Variants in OR6K2 observed in about 807,000 individuals in gnomAD.
OR6K2 encodes the protein olfactory receptor 6K2.
For synonymous variants in OR6K2, 139 were observed against 143.8 expected, an observed-to-expected ratio of 0.97 and a Z score of 0.24; for missense variants, 450 against 402.5, an observed-to-expected ratio of 1.12 and a Z score of -1.01.
In OR6K2 at chr1:158,699,744, T is replaced by C. The variant is rs1245587362; in HGVS notation, c.909A>G (p.Lys303=). 6.2e-7 allele frequency: 1 copy of C among 1,613,722 alleles called. No homozygotes were observed. The highest frequency in any genetic ancestry group is 1.3e-5 in the African/African-American group (1 of 74,848). The change falls in exon 1 of 1, where the codon AAA becomes AAG. Residue 303 remains lysine, a synonymous_variant. Transcript: ENST00000359610. Reference sequence around the variant, plus strand: ...ATATCTTAGCTTGACCTATGTGCTTTTTTATAGCTTCTTTTATTTCTTTAT... The same window carrying C: ...ATATCTTAGCTTGACCTATGTGCTTCTTTATAGCTTCTTTTATTTCTTTAT... ...LRNKEIKEAI[K]KHIGQAKIFF... is the part of the protein sequence containing the mutation.
At position 158,700,476 on chromosome 1, in the gene OR6K2, C is replaced by T; in HGVS notation, c.177G>A (p.Met59Ile). ...VQLNTHLHTP[M>I]YTFISALSFL... ...AAGAAAGAGCACTGATAAAAGTATA[C>T]ATGGGAGTGTGGAGGTGAGTATTCA... The change falls in exon 1 of 1, where the codon ATG becomes ATA. Residue 59 changes from methionine (M) to isoleucine (I), a missense_variant. Transcript: ENST00000359610. 6.2e-7 allele frequency: 1 copy of T among 1,614,052 alleles called. No homozygotes were observed. Among genetic ancestry groups the T allele is most frequent in the South Asian group, 1.1e-5 (1 of 91,076 alleles).
Position 158,699,950 on chromosome 1 carries a change from G to A in OR6K2, c.703C>T (p.Arg235Cys), listed in dbSNP as rs141497361. Residue 235 changes from arginine (R) to cysteine (C), a missense_variant, in exon 1 of 1, where the codon CGC (arginine) becomes TGC (cysteine). Coordinates refer to ENST00000359610, the MANE Select transcript of OR6K2 (RefSeq NM_001005279.3). ...ACACACGTGGAAAATGCTGTGCGGC[G>A]GCCTCCAGCTGAATGAATACGTAGA... ...VILRIHSAGG[R>C]RTAFSTCVSH... The A allele has an allele frequency of 8.9e-5, 144 of 1,613,926 alleles. No homozygotes were observed. Among genetic ancestry groups the A allele is most frequent in the Middle Eastern group, 1.6e-4 (1 of 6,084 alleles).
rs768645802 is a variant in OR6K2, at chr1:158,699,997, T to C, written c.656A>G (p.Tyr219Cys). Residue 219 changes from tyrosine (Y) to cysteine (C), a missense_variant, in exon 1 of 1, where the codon TAC becomes TGC. Transcript: ENST00000359610. ...ITAVMLIFMS[Y>C]DGIVAVILRI... ...TAGAATTACAGCCACAATACCATCG[T>C]AGGACATGAAGATGAGCATCACAGC... 31 of 1,613,932 alleles carry C rather than the reference T, an allele frequency of 1.9e-5. No homozygotes were observed. Among genetic ancestry groups the C allele is most frequent in the African/African-American group, 8.0e-5 (6 of 74,902 alleles).
chr1:158,700,290 G>A lies in OR6K2; in HGVS notation c.363C>T (p.His121=), dbSNP rs1245113870. The change falls in exon 1 of 1, where the codon CAC becomes CAT. Residue 121 remains histidine (H), a synonymous_variant. Transcript: ENST00000359610. ...GAAGAGGGCTGCATATGGCCAGGTA[G>A]TGGTCAAAGGCCATAACTGTCAAGA... ...VCLLTVMAFD[H]YLAICSPLHY... is the part of the protein sequence containing the mutation. 6.2e-7 allele frequency: 1 copy of A among 1,614,036 alleles called. No homozygotes were observed. Among genetic ancestry groups the A allele is most frequent in the African/African-American group, 1.3e-5 (1 of 74,924 alleles).
rs1571559448 is a variant in OR6K2, at chr1:158,700,273, C to A, written c.380G>T (p.Ser127Ile). 1 of 1,614,014 alleles carries A rather than the reference C, an allele frequency of 6.2e-7. No homozygotes were observed. The highest frequency in any genetic ancestry group is 8.5e-7 in the Non-Finnish European group (1 of 1,180,000). ...MAFDHYLAIC[S>I]PLHYPSIMTP... ...CATGATAGAGGGATAATGAAGAGGG[C>A]TGCATATGGCCAGGTAGTGGTCAAA... is the stretch of plus-strand genomic sequence containing the variant. The change falls in exon 1 of 1, where the codon AGC becomes ATC. Residue 127 changes from serine to isoleucine, a missense_variant. By Grantham distance (142) the Ser-to-Ile change is moderately radical (BLOSUM62 -2). Transcript: ENST00000359610.
rs147682709 is a variant in OR6K2 at position 158,700,495 on chromosome 1, G to C, written c.158C>G (p.Thr53Ser). 7.3e-4 allele frequency: 1,176 copies of C among 1,614,070 alleles called. 2 individuals carry two copies. Among genetic ancestry groups the C allele is most frequent in the Non-Finnish European group, 8.9e-4 (1,050 of 1,179,946 alleles). ...LVIITVVQLN[T>S]HLHTPMYTFI... ...AGTATACATGGGAGTGTGGAGGTGA[G>C]TATTCAACTGGACCACTGTGATGAT... Residue 53 changes from threonine (T) to serine (S), a missense_variant, in exon 1 of 1, where the codon ACT becomes AGT. Physicochemically the swap from Thr to Ser is moderately conservative, Grantham distance 58 (BLOSUM62 1). Transcript: ENST00000359610.
chr1:158,699,748 A>G lies in OR6K2; in HGVS notation c.905T>C (p.Ile302Thr), dbSNP rs568139425. 47 of 1,613,758 alleles carry G rather than the reference A, an allele frequency of 2.9e-5. No homozygotes were observed. In the East Asian group the frequency reaches 1.0e-3, roughly 34 times the overall value. ...CTTAGCTTGACCTATGTGCTTTTTT[A>G]TAGCTTCTTTTATTTCTTTATTCCT... ...SLRNKEIKEA[I>T]KKHIGQAKIF... The change falls in exon 1 of 1, where the codon ATA (isoleucine) becomes ACA (threonine). Residue 302 changes from isoleucine (I) to threonine (T), a missense_variant. Physicochemically the swap from Ile to Thr is moderately conservative, Grantham distance 89 (BLOSUM62 -1). Coordinates refer to ENST00000359610, the MANE Select transcript of OR6K2 (RefSeq NM_001005279.3).
rs1411510098 is a variant in OR6K2, at chr1:158,699,740, G to A, written c.913C>T (p.His305Tyr). The A allele has an allele frequency of 1.2e-6, 2 of 1,613,386 alleles. No individual in the cohort carries two copies. Among genetic ancestry groups the A allele is most frequent in the Admixed American group, 1.7e-5 (1 of 59,916 alleles). The change falls in exon 1 of 1, where the codon CAC becomes TAC. Residue 305 changes from histidine to tyrosine, a missense_variant. By Grantham distance (83) the His-to-Tyr change is moderately conservative. Transcript: ENST00000359610. ...NKEIKEAIKK[H>Y]IGQAKIFFSV... ...AAAAATATCTTAGCTTGACCTATGT[G>A]CTTTTTTATAGCTTCTTTTATTTCT...
rs1342361790 is a variant in OR6K2 at position 158,699,680 on chromosome 1, A to T, written c.973T>A (p.Ter325LysextTer?). The change falls in exon 1 of 1, where the codon TAG becomes AAG. Residue 325 changes from the stop codon to lysine, a stop_lost. Transcript: ENST00000359610. ...VRPGTSSKIF[*>K] ...CCAGCAACTATACAGAATCTCAACT[A>T]AAATATCTTACTTGAGGTCCCTGGT... 1.2e-6 allele frequency: 2 copies of T among 1,601,838 alleles called. No homozygotes were observed. The highest frequency in any genetic ancestry group is 1.7e-6 in the Non-Finnish European group (2 of 1,176,328).
In OR6K2 at chr1:158,700,075, G is replaced by A; in HGVS notation, c.578C>T (p.Ala193Val). The change falls in exon 1 of 1, where the codon GCC becomes GTC. Residue 193 changes from alanine to valine, a missense_variant. Coordinates refer to ENST00000359610, the MANE Select transcript of OR6K2 (RefSeq NM_001005279.3). ...ATCCACTACCTGAATCATGACGATG[G>A]CTCGTGTGTCTGTGCAGGCCAGACG... ...VLRLACTDTR[A>V]IVMIQVVDVI... 1.2e-6 allele frequency: 2 copies of A among 1,614,056 alleles called. No homozygotes were observed. The highest frequency in any genetic ancestry group is 1.1e-5 in the South Asian group (1 of 91,084).
In OR6K2 at chr1:158,700,438, C is replaced by T. The variant is rs1379680618; in HGVS notation, c.215G>A (p.Trp72Ter). Residue 72 changes from tryptophan to a stop codon, truncating the protein, a stop_gained, in exon 1 of 1, where the codon TGG becomes TAG. Transcript: ENST00000359610. LOFTEE classifies it high-confidence loss of function. ...CTTTGGGATTGTGGCTGTGGTATACCAAATCTCCAGGAAAGAAAGAGCACT... is the reference window on the plus strand; with the variant it reads ...CTTTGGGATTGTGGCTGTGGTATACTAAATCTCCAGGAAAGAAAGAGCACT... ...FISALSFLEI[W>*]YTTATIPKML... is the part of the protein sequence containing the mutation. 6.2e-7 allele frequency: 1 copy of T among 1,613,990 alleles called. No individual in the cohort carries two copies. Among genetic ancestry groups the T allele is most frequent in the African/African-American group, 1.3e-5 (1 of 74,956 alleles).
Position 158,700,539 on chromosome 1 carries a change from A to C in OR6K2, c.114T>G (p.Ile38Met). The change falls in exon 1 of 1, where the codon ATT becomes ATG. Residue 38 changes from isoleucine to methionine, a missense_variant. By Grantham distance (10) the Ile-to-Met change is conservative (BLOSUM62 1). Transcript: ENST00000359610. ...TGATGATGACCAGGTTTCCAACAACAATGAAAGCATAGATGAAGAGCAGTG... is the reference window on the plus strand; with the variant it reads ...TGATGATGACCAGGTTTCCAACAACCATGAAAGCATAGATGAAGAGCAGTG... Reference protein sequence around the residue: ...FVPLLFIYAFIVVGNLVIITV... With the variant: ...FVPLLFIYAFMVVGNLVIITV... 6.2e-7 allele frequency: 1 copy of C among 1,614,172 alleles called. No homozygotes were observed. Among genetic ancestry groups the C allele is most frequent in the Non-Finnish European group, 8.5e-7 (1 of 1,180,036 alleles).
rs1488137788 is a variant in OR6K2, at chr1:158,699,691, C to A, written c.962G>T (p.Ser321Ile). 3 of 1,607,064 alleles carry A rather than the reference C, an allele frequency of 1.9e-6. No individual in the cohort carries two copies. The highest frequency in any genetic ancestry group is 1.3e-5 in the African/African-American group (1 of 74,396). Reference sequence around the variant, plus strand: ...ACAGAATCTCAACTAAAATATCTTACTTGAGGTCCCTGGTCTTACGGAAAA... The same window carrying A: ...ACAGAATCTCAACTAAAATATCTTAATTGAGGTCCCTGGTCTTACGGAAAA... ...IFFSVRPGTS[S>I]KIF Residue 321 changes from serine (S) to isoleucine (I), a missense_variant, in exon 1 of 1, where the codon AGT (serine) becomes ATT (isoleucine). By Grantham distance (142) the Ser-to-Ile change is moderately radical. Coordinates refer to ENST00000359610, the MANE Select transcript of OR6K2 (RefSeq NM_001005279.3).
In OR6K2 at chr1:158,700,445, C is replaced by A. The variant is rs781319145; in HGVS notation, c.208G>T (p.Glu70Ter). The change falls in exon 1 of 1, where the codon GAG (glutamate) becomes TAG (stop). Residue 70 changes from glutamate (E) to a stop codon, truncating the protein, a stop_gained. Transcript: ENST00000359610. LOFTEE classifies it high-confidence loss of function. ...YTFISALSFL[E>*]IWYTTATIPK... is the part of the protein sequence containing the mutation. ...ATTGTGGCTGTGGTATACCAAATCT[C>A]CAGGAAAGAAAGAGCACTGATAAAA... 19 of 1,613,882 alleles carry A rather than the reference C, an allele frequency of 1.2e-5. No individual in the cohort carries two copies. In the African/African-American group the frequency reaches 2.0e-4, roughly 17 times the overall value.
rs781501189 is a variant in OR6K2, at chr1:158,699,868, C to G, written c.785G>C (p.Arg262Pro). 7 of 1,613,966 alleles carry G rather than the reference C, an allele frequency of 4.3e-6. No homozygotes were observed. Among genetic ancestry groups the G allele is most frequent in the Non-Finnish European group, 5.1e-6 (6 of 1,180,002 alleles). The change falls in exon 1 of 1, where the codon CGC becomes CCC. Residue 262 changes from arginine (R) to proline (P), a missense_variant. Transcript: ENST00000359610. ...GAACAAAGAGTAGGTGGCAGAGAAG[C>G]GTAGGTACATGAGAGTCACACTGCC... is the stretch of plus-strand genomic sequence containing the variant. ...FFGSVTLMYL[R>P]FSATYSLFWD... is the part of the protein sequence containing the mutation.
rs369080335 is a variant in OR6K2, at chr1:158,699,724, T to G, written c.929A>C (p.Lys310Thr). Residue 310 changes from lysine (K) to threonine (T), a missense_variant, in exon 1 of 1, where the codon AAG (lysine) becomes ACG (threonine). Lys to Thr is a moderately conservative substitution (Grantham distance 78). Coordinates refer to ENST00000359610, the MANE Select transcript of OR6K2 (RefSeq NM_001005279.3). ...EAIKKHIGQA[K>T]IFFSVRPGTS... ...CCCTGGTCTTACGGAAAAAAATATC[T>G]TAGCTTGACCTATGTGCTTTTTTAT... 14 of 1,612,602 alleles carry G rather than the reference T, an allele frequency of 8.7e-6. No homozygotes were observed. In the South Asian group the frequency reaches 1.5e-4, roughly 18 times the overall value.
Position 158,699,950 on chromosome 1 carries a change from G to T in OR6K2, c.703C>A (p.Arg235Ser). ...VILRIHSAGG[R>S]RTAFSTCVSH... ...ACACACGTGGAAAATGCTGTGCGGCGGCCTCCAGCTGAATGAATACGTAGA... is the reference window on the plus strand; with the variant it reads ...ACACACGTGGAAAATGCTGTGCGGCTGCCTCCAGCTGAATGAATACGTAGA... Residue 235 changes from arginine (R) to serine (S), a missense_variant, in exon 1 of 1, where the codon CGC (arginine) becomes AGC (serine). Coordinates refer to ENST00000359610, the MANE Select transcript of OR6K2 (RefSeq NM_001005279.3). The T allele has an allele frequency of 1.2e-6, 2 of 1,614,044 alleles. No homozygotes were observed. The highest frequency in any genetic ancestry group is 1.7e-6 in the Non-Finnish European group (2 of 1,180,000).
chr1:158,700,183 G>T lies in OR6K2; in HGVS notation c.470C>A (p.Pro157His). ...CAGTGTAGAGATCCAGGCAATCTCA[G>T]GAAGGGGTGTGATAAAGCCACAAAC... ...CCVCGFITPL[P>H]EIAWISTLPF... Residue 157 changes from proline to histidine, a missense_variant, in exon 1 of 1, where the codon CCT (proline) becomes CAT (histidine). By Grantham distance (77) the Pro-to-His change is moderately conservative (BLOSUM62 -2). Transcript: ENST00000359610. 6.2e-7 allele frequency: 1 copy of T among 1,613,680 alleles called. No homozygotes were observed. The highest frequency in any genetic ancestry group is 8.5e-7 in the Non-Finnish European group (1 of 1,179,894).
rs759684245 is a variant in OR6K2, at chr1:158,700,095, C to T, written c.558G>A (p.Leu186=). The stretch of plus-strand genomic sequence containing the variant: ...CGATGGCTCGTGTGTCTGTGCAGGC[C>T]AGACGCAGCACTGGGAGGAAGTCAC... ...IFCDFLPVLR[L]ACTDTRAIVM... is the part of the protein sequence containing the mutation. Residue 186 remains leucine, a synonymous_variant, in exon 1 of 1, where the codon CTG becomes CTA. Transcript: ENST00000359610. 1.9e-6 allele frequency: 3 copies of T among 1,614,106 alleles called. No homozygotes were observed. The highest frequency in any genetic ancestry group is 2.5e-6 in the Non-Finnish European group (3 of 1,180,020).
Sources: gnomAD v4.1 joint callset for allele counts on GRCh38, gnomAD v4.1.1 for gene constraint, MANE v1.5 for transcripts, NCBI Gene and HGNC (gene_info 2026-07-23, HGNC 2026-07-21) for gene names.